The following THSD7B variants were observed in gnomAD, a reference collection of about 807,000 sequenced individuals.
The protein encoded by THSD7B is thrombospondin type-1 domain-containing protein 7B.
A neutral mutation model predicts 213.6 loss-of-function variants in THSD7B; 138 were observed. The observed-to-expected ratio is 0.65, with a 90% CI of 0.56 to 0.74. THSD7B has a LOEUF of 0.74. THSD7B is among the 30% of genes least tolerant of loss of function. The probability of loss-of-function intolerance (pLI) is 0.00; values close to 1 mark genes in which losing one functional copy is unlikely to be tolerated. For missense variants in THSD7B, 1,931 were observed against 1,991.5 expected (o/e 0.97, Z 0.58); for synonymous variants, 742 against 687.0 (o/e 1.08, Z -1.25).
chr2:137,474,801 T>C (rs1440495588), intron 15 of THSD7B, among the ~76,000 whole-genome samples: 2 of 152,148 alleles, frequency 1.3e-5, no homozygotes, highest in Non-Finnish European at 2.9e-5. Flanking sequence ...ATGATGAAAA[T>C]AGTTTCTATC....
chr2:137,135,177 A>T (rs756253213), intron 5 of THSD7B, among the ~76,000 whole-genome samples: 14 of 152,180 alleles, frequency 9.2e-5, no homozygotes, highest in Admixed American at 1.3e-4. Context: ...ATATCTCATT[A>T]TTCTATTTGC....
intron 10 of THSD7B, among the ~76,000 whole-genome samples, chr2:137,259,866 C>T (rs1269695375): frequency 6.6e-6 from 1 of 152,050 alleles, no homozygotes; most frequent in Non-Finnish European, 1.5e-5. Flanking sequence ...TCTTCTAGAA[C>T]TCAGAGCACC....
chr2:136,904,138 ATAT>A (rs1334986879), intron 2 of THSD7B, among the ~76,000 whole-genome samples: 2 of 152,144 alleles, frequency 1.3e-5, no homozygotes, highest in Non-Finnish European at 2.9e-5. Context: ...TAATTAAATA[ATAT>A]TCAGTGTGTA....
intron 21 of THSD7B, among the ~76,000 whole-genome samples, chr2:137,645,453 G>T (rs114438616): frequency 6.6e-6 from 1 of 152,252 alleles, no homozygotes; most frequent in African/African-American, 2.4e-5. Flanking sequence ...CTTGACTGTG[G>T]ATGAGTGAAT....
chr2:137,539,559 C>G (rs1370996275), intron 15 of THSD7B, among the ~76,000 whole-genome samples: 1 of 151,542 alleles, frequency 6.6e-6, no homozygotes, highest in Non-Finnish European at 1.5e-5. Context: ...GGGTTGGCTC[C>G]CATTTCACAT....
intron 1 of THSD7B, among the ~76,000 whole-genome samples, chr2:136,879,542 C>T (rs1683583663): frequency 6.6e-6 from 1 of 152,078 alleles, no homozygotes; most frequent in South Asian, 2.1e-4. Context: ...ATTCTTCCTA[C>T]CCATGAGCAT....
intron 2 of THSD7B, among the ~76,000 whole-genome samples, chr2:136,997,391 A>G (rs553734457): frequency 6.6e-6 from 1 of 152,392 alleles, no homozygotes; most frequent in Non-Finnish European, 1.5e-5. Context: ...GGATTAAAGA[A>G]TAAAATATTT....
intron 3 of THSD7B, among the ~76,000 whole-genome samples, chr2:137,088,051 G>A (rs530727272): frequency 6.9e-4 from 105 of 152,004 alleles, no homozygotes; most frequent in Non-Finnish European, 9.7e-4. Context: ...ACCAGCCTGG[G>A]CAACACAGTG....
At chr2:137,308,167 T>C (rs373352553) in intron 12 of THSD7B, among the ~76,000 whole-genome samples, 1 of 151,998 alleles carries the variant, frequency 6.6e-6, no homozygotes. Context: ...ATTGTATGCA[T>C]GTGCACTCAC....
chr2:137,479,575 T>C, intron 15 of THSD7B: 1 of 247,782 alleles, frequency 4.0e-6, no homozygotes, highest in Non-Finnish European at 8.5e-6. Context: ...TGGCCCCAGT[T>C]AGTGGCTGCA....
intron 27 of THSD7B, among the ~76,000 whole-genome samples, chr2:137,668,175 C>G (rs1220657732): frequency 6.6e-6 from 1 of 152,126 alleles, no homozygotes. Flanking sequence ...CAGGCTTGAT[C>G]TCACTCCCCA....
rs553645210 is a variant in THSD7B at position 137,640,234 on chromosome 2, G to A, written c.3800-2254G>A. ...TGAATAAGTCTCATGAGATCTGATG[G>A]GTTTATCAGGGGTTTCCGCTTTTGC... On this transcript the variant is annotated intron_variant, in intron 20 of 27. Transcript: ENST00000409968. 1.7e-3 allele frequency among the ~76,000 whole-genome samples: 262 copies of A among 152,140 alleles called. 1 individual carries two copies. The highest frequency in any genetic ancestry group is 6.1e-3 in the African/African-American group (252 of 41,528).
chr2:136,950,952 G>T (rs1004907569), intron 2 of THSD7B, among the ~76,000 whole-genome samples: 1 of 152,176 alleles, frequency 6.6e-6, no homozygotes, highest in Non-Finnish European at 1.5e-5. Flanking sequence ...GATACACATA[G>T]GTTGTAATTG....
At chr2:137,526,507 T>A (rs2105173690) in intron 15 of THSD7B, among the ~76,000 whole-genome samples, 1 of 152,106 alleles carries the variant, frequency 6.6e-6, no homozygotes, top group East Asian at 1.9e-4. Flanking sequence ...CTGCAACCTC[T>A]GCCTCCTAGG....
intron 20 of THSD7B, among the ~76,000 whole-genome samples, chr2:137,634,801 C>G (rs888719420): frequency 6.6e-6 from 1 of 152,116 alleles, no homozygotes; most frequent in Non-Finnish European, 1.5e-5. Flanking sequence ...TTAAAATTTC[C>G]TACATCTACT....
At chr2:137,651,095 T>G (rs1683129063) in intron 21 of THSD7B, among the ~76,000 whole-genome samples, 1 of 152,156 alleles carries the variant, frequency 6.6e-6, no homozygotes, top group African/African-American at 2.4e-5. Context: ...ATGGAATAAA[T>G]TATGAAGTAT....
chr2:137,580,858 A>G (rs986601447), intron 17 of THSD7B, among the ~76,000 whole-genome samples: 1 of 152,286 alleles, frequency 6.6e-6, no homozygotes, highest in East Asian at 1.9e-4. Context: ...TCCAGATCTC[A>G]TGTGAACTCA....
intron 10 of THSD7B, among the ~76,000 whole-genome samples, chr2:137,267,829 G>C (rs1256785822): frequency 6.6e-6 from 1 of 152,192 alleles, no homozygotes; most frequent in Non-Finnish European, 1.5e-5. Context: ...TCTAAATGTA[G>C]TCCAGTGGCA....
At chr2:136,922,194 T>C (rs1684447709) in intron 2 of THSD7B, among the ~76,000 whole-genome samples, 1 of 152,190 alleles carries the variant, frequency 6.6e-6, no homozygotes, top group Admixed American at 6.5e-5. Context: ...CTGGTCCACA[T>C]AGGAACTCAG....
Sources: gnomAD v4.1 joint callset for allele counts (sites outside exome capture counted in the v4.1 genomes callset) on GRCh38, gnomAD v4.1.1 for gene constraint, MANE v1.5 for transcripts, NCBI Gene and HGNC (gene_info 2026-07-23, HGNC 2026-07-21) for gene names.